Variants in LSM4 observed in about 807,000 individuals in gnomAD.
LSM4 encodes the protein LSM4 homolog, U6 small nuclear RNA and mRNA degradation associated, also known as U6 snRNA-associated Sm-like protein LSm4.
In LSM4, 15 loss-of-function variants were observed where a neutral mutation model predicts 22.3. That is an observed-to-expected ratio of 0.67 (90% CI 0.45 to 1.03). LSM4 has a LOEUF of 1.03. Ranked by LOEUF, LSM4 falls within the 50% of genes least tolerant of loss-of-function variation. LSM4 has a pLI of 0.00. For missense variants in LSM4, 127 were observed against 198.0 expected, an observed-to-expected ratio of 0.64 and a Z score of 2.15; for synonymous variants, 90 against 79.8, an observed-to-expected ratio of 1.13 and a Z score of -0.68.
rs554738610 is a variant in LSM4 at position 18,319,891 on chromosome 19, TG to T, written c.3+3126del. ...GCTAGACTGGAACACTCAAAGTGGGTGTGGACTTTGTCCAGGGCCAAGCACA... is the reference window on the plus strand; with the variant it reads ...GCTAGACTGGAACACTCAAAGTGGGTTGGACTTTGTCCAGGGCCAAGCACA... On this transcript the variant is annotated intron_variant, in intron 1 of 4. Transcript: ENST00000593829. 3.9e-4 allele frequency among the ~76,000 whole-genome samples: 60 copies of T among 152,206 alleles called. 1 individual carries two copies. Among genetic ancestry groups the T allele is most frequent in the Non-Finnish European group, 7.8e-4 (53 of 68,038 alleles).
rs984799373 is a variant in LSM4, at chr19:18,312,482, G to T, written c.144+122C>A. On this transcript the variant is annotated intron_variant, in intron 3 of 4. Coordinates refer to ENST00000593829, the MANE Select transcript of LSM4 (RefSeq NM_012321.5). ...CCCTGTCCCTCCTGACTGACCCCTG[G>T]AAGGACGAGCAGTCCTAGGCGGCCT... 7 of 782,944 alleles carry T rather than the reference G, an allele frequency of 8.9e-6. No homozygotes were observed. The Admixed American group carries it at 1.4e-4, about 15-fold the overall frequency. 48.5% of individuals were successfully genotyped at this position (782,944 alleles called of 1,614,324 possible). A position where few individuals can be genotyped will look rare whatever the true frequency, so the allele number is the denominator to read the frequency against.
Position 18,307,375 on chromosome 19 carries a change from T to C in LSM4, c.*89A>G. On this transcript the variant is annotated 3_prime_UTR_variant, in exon 5 of 5. Transcript: ENST00000593829. ...AAGGGGGTTCCCCCTGGCGCCTGCC[T>C]CTTCCTTTCTGAGCAGATCCGTCCG... The C allele has an allele frequency of 9.1e-7, 1 of 1,102,912 alleles. No individual in the cohort carries two copies. The highest frequency in any genetic ancestry group is 1.2e-6 in the Non-Finnish European group (1 of 846,528). The allele number at this position is 1,102,912 out of a possible 1,614,324, so 68.3% of individuals were successfully genotyped here.
chr19:18,320,313 GC>G (rs1031011823), intron 1 of LSM4, among the ~76,000 whole-genome samples: 1 of 152,156 alleles, frequency 6.6e-6, no homozygotes, highest in Non-Finnish European at 1.5e-5. Flanking sequence ...TATGAGACCA[GC>G]TTGGGCAACA....
At chr19:18,318,875 G>A (rs924338708) in intron 1 of LSM4, among the ~76,000 whole-genome samples, 1 of 152,260 alleles carries the variant, frequency 6.6e-6, no homozygotes, top group African/African-American at 2.4e-5. Context: ...CACAGCCTGG[G>A]AGGACCCACG....
intron 3 of LSM4, among the ~76,000 whole-genome samples, chr19:18,311,091 G>A (rs1600165632): frequency 6.6e-6 from 1 of 152,132 alleles, no homozygotes; most frequent in African/African-American, 2.4e-5. Context: ...GGAACCCCTC[G>A]AGGGCTCGTG....
At chr19:18,315,896 G>A (rs8102138) in intron 2 of LSM4, 128 bp downstream of exon 2, 62 of 760,272 alleles carry the variant, frequency 8.2e-5, no homozygotes, top group African/African-American at 7.1e-4. Flanking sequence ...ACACTCCTGG[G>A]GAGGGAGAAG....
chr19:18,315,352 G>A (rs542759252), intron 2 of LSM4, among the ~76,000 whole-genome samples: 1 of 152,126 alleles, frequency 6.6e-6, no homozygotes, highest in South Asian at 2.1e-4. Context: ...GTTTCTCCAT[G>A]TTGCCTAGAC....
chr19:18,307,795 G>T (rs1198539936), intron 4 of LSM4, among the ~76,000 whole-genome samples: 1 of 139,558 alleles, frequency 7.2e-6, no homozygotes, highest in African/African-American at 2.6e-5. Context: ...GCGGGGGGGG[G>T]GGACTAGGCG....
At position 18,306,761 on chromosome 19, in the gene LSM4, C is replaced by G. The variant is rs1970227542; in HGVS notation, c.*703G>C. ...GGTCTTGCCTTTTGTAAAAGGACAT[C>G]AGTGCCTCACTGTGCCGCTGACACC... On this transcript the variant is annotated 3_prime_UTR_variant, in exon 5 of 5. Transcript: ENST00000593829. The G allele has an allele frequency of 1.3e-5, 2 of 152,238 alleles. No homozygotes were observed. The highest frequency in any genetic ancestry group is 4.8e-5 in the African/African-American group (2 of 41,458). The allele number at this position is 152,238 out of a possible 1,614,324, so 9.4% of individuals were successfully genotyped here.
intron 1 of LSM4, among the ~76,000 whole-genome samples, chr19:18,320,471 C>A (rs575250842): frequency 6.6e-6 from 1 of 151,578 alleles, no homozygotes; most frequent in Non-Finnish European, 1.5e-5. Flanking sequence ...CCACTGCACT[C>A]CAGCCTGGAT....
At chr19:18,312,467 CCTGA>C in intron 3 of LSM4, 133 bp downstream of exon 3, 1 of 708,500 alleles carries the variant, frequency 1.4e-6, no homozygotes, top group South Asian at 1.6e-5. Context: ...CCCTGTCCCT[CCTGA>C]CTGACCCCTG....
chr19:18,320,830 A>G (rs769262233), intron 1 of LSM4, among the ~76,000 whole-genome samples: 2 of 152,088 alleles, frequency 1.3e-5, no homozygotes, highest in Non-Finnish European at 2.9e-5. Flanking sequence ...AAAAAGAAAA[A>G]AAGTGCCAAG....
chr19:18,316,147 T>C (rs774377966), intron 1 of LSM4, 82 bp from the exon 2 acceptor site: 22 of 1,312,334 alleles, frequency 1.7e-5, no homozygotes, highest in African/African-American at 2.9e-5. Context: ...CCATGACTCA[T>C]AGATGGTGCG....
rs1970233895 is a variant in LSM4 at position 18,307,054 on chromosome 19, A to G, written c.*410T>C. The G allele has an allele frequency of 5.8e-6, 1 of 171,386 alleles. No individual in the cohort carries two copies. Among genetic ancestry groups the G allele is most frequent in the South Asian group, 2.0e-4 (1 of 5,080 alleles). The allele number at this position is 171,386 out of a possible 1,614,324, so 10.6% of individuals were successfully genotyped here. On this transcript the variant is annotated 3_prime_UTR_variant, in exon 5 of 5. Transcript: ENST00000593829. The stretch of plus-strand genomic sequence containing the variant: ...GGCAATTTTGGGGCCGCGCCCAAGG[A>G]AACCCTGCAGGCTGTCAGTCCCAGC...
chr19:18,315,918 C>T, intron 2 of LSM4, 106 bp downstream of exon 2: 2 of 991,760 alleles, frequency 2.0e-6, no homozygotes, highest in Non-Finnish European at 3.1e-6. Context: ...GAGCAAACTG[C>T]CATGCTGGTG....
intron 3 of LSM4, 110 bp downstream of exon 3, chr19:18,312,494 G>A: frequency 1.1e-6 from 1 of 888,238 alleles, no homozygotes; most frequent in Non-Finnish European, 1.8e-6. Context: ...AGGACGAGCA[G>A]TCCTAGGCGG....
chr19:18,318,606 T>C (rs1041403940), intron 1 of LSM4, among the ~76,000 whole-genome samples: 4 of 152,246 alleles, frequency 2.6e-5, no homozygotes, highest in Non-Finnish European at 5.9e-5. Context: ...AAGCCTGTTT[T>C]CTTTCTCTAG....
At chr19:18,318,414 A>G (rs889267164) in intron 1 of LSM4, among the ~76,000 whole-genome samples, 2 of 152,242 alleles carry the variant, frequency 1.3e-5, no homozygotes, top group Admixed American at 1.3e-4. Flanking sequence ...AAGGGGGAAG[A>G]AAGGGCCATG....
intron 1 of LSM4, among the ~76,000 whole-genome samples, chr19:18,318,166 C>T (rs1473580784): frequency 6.6e-6 from 1 of 152,232 alleles, no homozygotes; most frequent in Non-Finnish European, 1.5e-5. Flanking sequence ...CTGGCCACCA[C>T]CCTAATCCAC....
Sources: gnomAD v4.1 joint callset for allele counts (sites outside exome capture counted in the v4.1 genomes callset) on GRCh38, gnomAD v4.1.1 for gene constraint, MANE v1.5 for transcripts, NCBI Gene and HGNC (gene_info 2026-07-23, HGNC 2026-07-21) for gene names.